The following DPP10 variants were observed in gnomAD, a reference collection of about 807,000 sequenced individuals.
The protein encoded by DPP10 is inactive dipeptidyl peptidase 10.
In DPP10, 33 loss-of-function variants were observed where a neutral mutation model predicts 120.9. The ratio of observed to expected loss-of-function variants is 0.27; its 90% CI spans 0.21 to 0.37. The LOEUF is 0.37. Ranked by LOEUF, DPP10 falls within the 10% of genes least tolerant of loss-of-function variation. The pLI, the probability that DPP10 is intolerant of heterozygous loss-of-function variation, is 1.00. For missense variants in DPP10, 816 were observed against 942.8 expected (o/e 0.87, Z 1.76); for synonymous variants, 337 against 326.1 (o/e 1.03, Z -0.36).
In DPP10 at chr2:115,160,868, G is replaced by A. The variant is rs551381282; in HGVS notation, c.61-148371G>A. ...CCAGGGGATTTGGTAGGTTTGCCGTGTTGTTTAGTTTCTCTCCCCTGCGAC... is the reference window on the plus strand; with the variant it reads ...CCAGGGGATTTGGTAGGTTTGCCGTATTGTTTAGTTTCTCTCCCCTGCGAC... On this transcript the variant is annotated intron_variant, in intron 1 of 25. Coordinates refer to ENST00000410059, the MANE Select transcript of DPP10 (RefSeq NM_020868.6). Among the ~76,000 whole-genome samples the A allele has an allele frequency of 2.0e-5, 3 of 152,172 alleles. No individual in the cohort carries two copies. The East Asian group carries it at 5.8e-4, about 30-fold the overall frequency.
intron 1 of DPP10, among the ~76,000 whole-genome samples, chr2:114,910,228 C>T (rs900096458): frequency 1.3e-5 from 2 of 151,696 alleles, no homozygotes; most frequent in African/African-American, 4.8e-5. Context: ...ATTAATATTA[C>T]ATATCAAAAC....
intron 1 of DPP10, among the ~76,000 whole-genome samples, chr2:114,490,011 T>C (rs573320820): frequency 6.6e-6 from 1 of 152,334 alleles, no homozygotes; most frequent in African/African-American, 2.4e-5. Context: ...ATTATATATC[T>C]ATTTGCTGGT....
intron 1 of DPP10, among the ~76,000 whole-genome samples, chr2:114,564,723 G>A (rs2104968774): frequency 6.6e-6 from 1 of 152,186 alleles, no homozygotes; most frequent in East Asian, 1.9e-4. Context: ...GATGAGTGAA[G>A]GAAGATGAAT....
At chr2:114,702,777 T>C in intron 1 of DPP10, among the ~76,000 whole-genome samples, 1 of 152,078 alleles carries the variant, frequency 6.6e-6, no homozygotes, top group East Asian at 1.9e-4. Flanking sequence ...GCCTCTTTCC[T>C]AAGAACAGAG....
intron 1 of DPP10, among the ~76,000 whole-genome samples, chr2:115,003,720 C>T (rs1701613126): frequency 6.6e-6 from 1 of 151,986 alleles, no homozygotes; most frequent in Non-Finnish European, 1.5e-5. Context: ...AAAAAATAAA[C>T]ATTTTCTATC....
intron 3 of DPP10, among the ~76,000 whole-genome samples, chr2:115,467,495 T>A (rs1333976886): frequency 1.3e-5 from 2 of 151,908 alleles, no homozygotes; most frequent in Admixed American, 6.6e-5. Context: ...GAGAATTGCT[T>A]TAACCCGGGA....
rs1262594191 is a variant in DPP10 at position 115,219,098 on chromosome 2, G to A, written c.61-90141G>A. The stretch of plus-strand genomic sequence containing the variant: ...CCTTATTTTATAAATAATAAACAGA[G>A]GCACAGAAAGTTCAGAGTTACATTT... On this transcript the variant is annotated intron_variant, in intron 1 of 25. Transcript: ENST00000410059. Among the ~76,000 whole-genome samples the A allele has an allele frequency of 2.6e-5, 4 of 152,090 alleles. No individual in the cohort carries two copies. In the East Asian group the frequency reaches 7.7e-4, roughly 29 times the overall value.
intron 3 of DPP10, among the ~76,000 whole-genome samples, chr2:115,349,219 A>G (rs1418090757): frequency 6.6e-6 from 1 of 152,172 alleles, no homozygotes; most frequent in Non-Finnish European, 1.5e-5. Context: ...CTCACTTGTT[A>G]CATGAGATTC....
At chr2:115,506,469 A>G (rs2076947328) in intron 4 of DPP10, among the ~76,000 whole-genome samples, 1 of 152,108 alleles carries the variant, frequency 6.6e-6, no homozygotes, top group Non-Finnish European at 1.5e-5. Flanking sequence ...GACTAAGGAA[A>G]ACATTTCTTG....
chr2:115,346,383 C>T (rs1025373279), intron 3 of DPP10, among the ~76,000 whole-genome samples: 1 of 152,064 alleles, frequency 6.6e-6, no homozygotes, highest in South Asian at 2.1e-4. Flanking sequence ...TGGAGGTCAT[C>T]ATAGAAGTGC....
chr2:115,361,306 T>C (rs996746839), intron 3 of DPP10, among the ~76,000 whole-genome samples: 1 of 152,036 alleles, frequency 6.6e-6, no homozygotes, highest in Non-Finnish European at 1.5e-5. Flanking sequence ...GGCATGCAGC[T>C]TTGTCCTTCT....
At chr2:115,803,193 C>T (rs1685480605) in intron 19 of DPP10, among the ~76,000 whole-genome samples, 1 of 152,170 alleles carries the variant, frequency 6.6e-6, no homozygotes, top group Non-Finnish European at 1.5e-5. Flanking sequence ...TAATTTCCTT[C>T]TTTGTCTCTG....
At chr2:114,535,583 T>C (rs965082113) in intron 1 of DPP10, among the ~76,000 whole-genome samples, 1 of 152,242 alleles carries the variant, frequency 6.6e-6, no homozygotes, top group African/African-American at 2.4e-5. Flanking sequence ...ACCACACTTA[T>C]GCTACGAGCC....
intron 8 of DPP10, among the ~76,000 whole-genome samples, chr2:115,738,742 C>A (rs1476556881): frequency 6.6e-6 from 1 of 152,140 alleles, no homozygotes; most frequent in African/African-American, 2.4e-5. Context: ...AGAGAGATGA[C>A]AAATGTAGTC....
intron 1 of DPP10, among the ~76,000 whole-genome samples, chr2:114,729,019 A>G (rs1676627325): frequency 6.6e-6 from 1 of 152,084 alleles, no homozygotes; most frequent in Non-Finnish European, 1.5e-5. Flanking sequence ...AATGGGAGGG[A>G]GGTTTAACGG....
At chr2:115,834,116 A>G (rs1023417876) in intron 21 of DPP10, among the ~76,000 whole-genome samples, 2 of 152,224 alleles carry the variant, frequency 1.3e-5, no homozygotes, top group Non-Finnish European at 2.9e-5. Flanking sequence ...AGCTTTGCTC[A>G]AGCTTCTGAG....
At chr2:115,700,763 G>T (rs559626889) in intron 7 of DPP10, among the ~76,000 whole-genome samples, 29 of 152,032 alleles carry the variant, frequency 1.9e-4, no homozygotes, top group Admixed American at 5.2e-4. Flanking sequence ...TCAACACAGA[G>T]AAATCATATA....
chr2:114,947,444 G>C (rs1697451893), intron 1 of DPP10, among the ~76,000 whole-genome samples: 1 of 150,566 alleles, frequency 6.6e-6, no homozygotes, highest in Admixed American at 6.6e-5. Flanking sequence ...ATGTGAATTT[G>C]AGTTTCAGGT....
intron 20 of DPP10, 104 bp downstream of exon 20, chr2:115,815,091 T>C (rs1221744338): frequency 3.5e-6 from 4 of 1,147,410 alleles, no homozygotes; most frequent in South Asian, 3.0e-5. Flanking sequence ...ATTTTAGTGA[T>C]TGAGCAATTT....
Sources: allele counts gnomAD v4.1 joint callset (sites outside exome capture counted in the v4.1 genomes callset), GRCh38; gene constraint gnomAD v4.1.1; transcripts MANE v1.5; gene names NCBI Gene and HGNC (gene_info 2026-07-23, HGNC 2026-07-21).